Variants in CAMK2D observed in about 807,000 individuals in gnomAD.
The protein encoded by CAMK2D is calcium/calmodulin-dependent protein kinase type II subunit delta.
A neutral mutation model predicts 84.0 loss-of-function variants in CAMK2D; 37 were observed. That is an observed-to-expected ratio of 0.44 (90% CI 0.34 to 0.58). The LOEUF is 0.58. CAMK2D is among the 20% of genes least tolerant of loss of function. The pLI is 0.02. For missense variants in CAMK2D, 448 were observed against 652.5 expected (o/e 0.69, Z 3.41); for synonymous variants, 202 against 212.5 (o/e 0.95, Z 0.43).
At chr4:113,501,579 G>A (rs1212369370) in intron 15 of CAMK2D, among the ~76,000 whole-genome samples, 1 of 151,874 alleles carries the variant, frequency 6.6e-6, no homozygotes, top group Non-Finnish European at 1.5e-5. Flanking sequence ...TTTAAACCAA[G>A]GGAAAAACTA....
chr4:113,667,185 T>G (rs2099261022), intron 2 of CAMK2D, among the ~76,000 whole-genome samples: 3 of 152,160 alleles, frequency 2.0e-5, no homozygotes, highest in Admixed American at 1.3e-4. Flanking sequence ...TATTACATTT[T>G]TTTAAAAAAT....
intron 3 of CAMK2D, among the ~76,000 whole-genome samples, chr4:113,614,189 G>GT (rs2099012417): frequency 6.6e-6 from 1 of 151,826 alleles, no homozygotes; most frequent in South Asian, 2.1e-4. Context: ...TAAAACCAAG[G>GT]TTGTTAATTA....
chr4:113,565,785 G>C (rs1023098754), intron 4 of CAMK2D, among the ~76,000 whole-genome samples: 1 of 151,972 alleles, frequency 6.6e-6, no homozygotes, highest in African/African-American at 2.4e-5. Flanking sequence ...AATCACTTTT[G>C]GGAATGTTGA....
intron 15 of CAMK2D, among the ~76,000 whole-genome samples, chr4:113,502,727 GTAACAT>G (rs2098071769): frequency 6.6e-6 from 1 of 152,194 alleles, no homozygotes; most frequent in African/African-American, 2.4e-5. Flanking sequence ...TTGACTCATG[GTAACAT>G]TAGTTTCTCT....
chr4:113,751,166 C>T (rs2099616224), intron 2 of CAMK2D, among the ~76,000 whole-genome samples: 1 of 152,110 alleles, frequency 6.6e-6, no homozygotes, highest in African/African-American at 2.4e-5. Flanking sequence ...TTGTGCCATT[C>T]ACAGAGGGGG....
At chr4:113,553,965 G>A (rs768535423) in intron 4 of CAMK2D, among the ~76,000 whole-genome samples, 2 of 151,968 alleles carry the variant, frequency 1.3e-5, no homozygotes, top group Admixed American at 6.6e-5. Context: ...ATATATACTC[G>A]TAGTTATCCT....
At chr4:113,570,818 C>A (rs2098749618) in intron 4 of CAMK2D, among the ~76,000 whole-genome samples, 1 of 152,022 alleles carries the variant, frequency 6.6e-6, no homozygotes, top group Admixed American at 6.6e-5. Flanking sequence ...AACTTAAAAG[C>A]TTCTGCTCAA....
chr4:113,622,336 C>G (rs1278618994), intron 3 of CAMK2D, among the ~76,000 whole-genome samples: 1 of 152,130 alleles, frequency 6.6e-6, no homozygotes, highest in Admixed American at 6.6e-5. Flanking sequence ...ATTTTTATAC[C>G]AGTAAACCAG....
chr4:113,738,396 A>C (rs2099585962), intron 2 of CAMK2D, among the ~76,000 whole-genome samples: 1 of 152,152 alleles, frequency 6.6e-6, no homozygotes, highest in South Asian at 2.1e-4. Context: ...CAGCTGTTTA[A>C]ATATACCCAT....
intron 8 of CAMK2D, among the ~76,000 whole-genome samples, chr4:113,530,192 T>G (rs999540765): frequency 6.6e-6 from 1 of 152,234 alleles, no homozygotes; most frequent in African/African-American, 2.4e-5. Flanking sequence ...TTTTTCAGAT[T>G]TTGTAGTATT....
chr4:113,702,522 T>C (rs2099423429), intron 2 of CAMK2D, among the ~76,000 whole-genome samples: 1 of 152,150 alleles, frequency 6.6e-6, no homozygotes, highest in Non-Finnish European at 1.5e-5. Context: ...CTTTAAATCA[T>C]CTGGTAGCCA....
At chr4:113,592,830 C>T (rs188168696) in intron 4 of CAMK2D, among the ~76,000 whole-genome samples, 1 of 151,978 alleles carries the variant, frequency 6.6e-6, no homozygotes, top group African/African-American at 2.4e-5. Flanking sequence ...TAGTTTATAA[C>T]TGGATTTTTA....
At chr4:113,654,127 A>G (rs552883647) in intron 3 of CAMK2D, among the ~76,000 whole-genome samples, 1 of 152,038 alleles carries the variant, frequency 6.6e-6, no homozygotes, top group African/African-American at 2.4e-5. Flanking sequence ...TGTGTTTTTC[A>G]TCTCTTTTTA....
At chr4:113,748,553 T>G (rs563731936) in intron 2 of CAMK2D, among the ~76,000 whole-genome samples, 141 of 151,700 alleles carry the variant, frequency 9.3e-4, no homozygotes, top group Non-Finnish European at 1.4e-3. Flanking sequence ...AAAGCAAAAA[T>G]TAAAAAAAAT....
chr4:113,719,152 T>C (rs1309373012), intron 2 of CAMK2D, among the ~76,000 whole-genome samples: 2 of 152,182 alleles, frequency 1.3e-5, no homozygotes, highest in Non-Finnish European at 2.9e-5. Flanking sequence ...CTTGCATCCT[T>C]TATTCCTGTT....
chr4:113,595,660 T>G (rs2098922175), intron 4 of CAMK2D, among the ~76,000 whole-genome samples: 1 of 152,218 alleles, frequency 6.6e-6, no homozygotes, highest in African/African-American at 2.4e-5. Context: ...TATTTCACAG[T>G]GCATATGAAG....
intron 2 of CAMK2D, among the ~76,000 whole-genome samples, chr4:113,756,042 A>G (rs1359236734): frequency 2.0e-5 from 3 of 152,048 alleles, no homozygotes; most frequent in Non-Finnish European, 4.4e-5. Context: ...GCTCAGTATA[A>G]TGAATGTTCT....
At chr4:113,535,876 ATAGT>A (rs2098486202) in intron 7 of CAMK2D, among the ~76,000 whole-genome samples, 1 of 152,178 alleles carries the variant, frequency 6.6e-6, no homozygotes, top group African/African-American at 2.4e-5. Flanking sequence ...TGAATGGTAA[ATAGT>A]TATAGATACA....
intron 7 of CAMK2D, among the ~76,000 whole-genome samples, chr4:113,536,402 T>C (rs1314635746): frequency 6.6e-6 from 1 of 152,166 alleles, no homozygotes. Context: ...CATATGTACA[T>C]CTTGGGAGAT....
Sources: allele counts gnomAD v4.1 joint callset (sites outside exome capture counted in the v4.1 genomes callset), GRCh38; gene constraint gnomAD v4.1.1; transcripts MANE v1.5; gene names NCBI Gene and HGNC (gene_info 2026-07-23, HGNC 2026-07-21).